Variants in SNAP47 observed in about 807,000 individuals in gnomAD.
SNAP47 encodes the protein synaptosome associated protein 47.
Under a neutral mutation model 31.4 loss-of-function variants are expected in SNAP47, and 20 were observed. That is an observed-to-expected ratio of 0.64 (90% confidence interval 0.45 to 0.93). The LOEUF is 0.93. Among genes scored for constraint, SNAP47 ranks in the 40% least tolerant of loss-of-function variants. The pLI is 0.00. For synonymous variants in SNAP47, 194 were observed against 213.4 expected (o/e 0.91, Z 0.79); for missense variants, 492 against 528.5 (o/e 0.93, Z 0.68).
intron 1 of SNAP47, chr1:227,747,242 AT>A (rs1662023966): frequency 6.3e-6 from 1 of 157,542 alleles, no homozygotes; most frequent in South Asian, 2.0e-4. Flanking sequence ...AGGGAACATT[AT>A]GGCCAAAAGA....
At chr1:227,767,862 C>T (rs1443385545) in intron 4 of SNAP47, among the ~76,000 whole-genome samples, 2 of 152,170 alleles carry the variant, frequency 1.3e-5, no homozygotes, top group African/African-American at 4.8e-5. Flanking sequence ...GCTCACTCAG[C>T]CCTCATGTGC....
At chr1:227,729,434 G>C (rs1322580731) in intron 1 of SNAP47, among the ~76,000 whole-genome samples, 1 of 152,162 alleles carries the variant, frequency 6.6e-6, no homozygotes, top group African/African-American at 2.4e-5. Context: ...GCAGTTCTGT[G>C]GGACGCTGGC....
At chr1:227,747,078 A>G (rs1254750246) in intron 1 of SNAP47, 1 of 152,366 alleles carries the variant, frequency 6.6e-6, no homozygotes, top group African/African-American at 2.4e-5. Context: ...CATACGCACA[A>G]TAAGTTAGTA....
chr1:227,740,193 G>T (rs539836399), intron 1 of SNAP47, among the ~76,000 whole-genome samples: 1 of 152,330 alleles, frequency 6.6e-6, no homozygotes, highest in East Asian at 1.9e-4. Flanking sequence ...CTGCGGAGTG[G>T]AGCCACCAAT....
intron 1 of SNAP47, among the ~76,000 whole-genome samples, chr1:227,728,941 G>A (rs1660472154): frequency 6.6e-6 from 1 of 152,174 alleles, no homozygotes; most frequent in Non-Finnish European, 1.5e-5. Context: ...CTTCACGCAG[G>A]GGAGGGGGGC....
intron 1 of SNAP47, chr1:227,744,209 T>C (rs1571994305): frequency 6.7e-6 from 1 of 149,594 alleles, no homozygotes; most frequent in Non-Finnish European, 1.5e-5. Flanking sequence ...TTTTGACCTG[T>C]GGGTTGTTGA....
Position 227,766,916 on chromosome 1 carries a change from A to G in SNAP47, c.989-43A>G, listed in dbSNP as rs755048766. On this transcript the variant is annotated intron_variant, in intron 3 of 4. Transcript: ENST00000617596. ...ATCCAGAGCACACGAGGGTTGTTGC[A>G]ACTCCGAGAGATGTCACTGCTGACC... 3.1e-6 allele frequency: 5 copies of G among 1,608,858 alleles called. No homozygotes were observed. In the Admixed American group the frequency reaches 5.0e-5, roughly 16 times the overall value.
At chr1:227,767,557 T>G (rs1028871713) in intron 4 of SNAP47, among the ~76,000 whole-genome samples, 1 of 151,390 alleles carries the variant, frequency 6.6e-6, no homozygotes, top group Non-Finnish European at 1.5e-5. Context: ...ATGTGTGTGT[T>G]GTGTGTGTTG....
At chr1:227,765,901 C>T (rs921868209) in intron 3 of SNAP47, among the ~76,000 whole-genome samples, 7 of 151,726 alleles carry the variant, frequency 4.6e-5, no homozygotes, top group Admixed American at 1.3e-4. Context: ...GATAGGCTGG[C>T]GGGGGTGGCA....
chr1:227,772,160 G>C (rs1663856515), intron 4 of SNAP47, among the ~76,000 whole-genome samples: 1 of 152,180 alleles, frequency 6.6e-6, no homozygotes, highest in Admixed American at 6.5e-5. Flanking sequence ...GGTAATACGT[G>C]TTATAGCAGT....
At chr1:227,748,293 G>T in intron 2 of SNAP47, 60 bp downstream of exon 2, 1 of 1,457,982 alleles carries the variant, frequency 6.9e-7, no homozygotes. Context: ...ATGTGTGGAG[G>T]CTCACAGGCA....
At chr1:227,732,339 C>G, upstream of SNAP47, 1 of 1,591,322 alleles carries the variant, frequency 6.3e-7, no homozygotes. Context: ...GGAAGGGCCC[C>G]GGAGCAGGAG....
At chr1:227,769,335 G>T (rs766631203) in intron 4 of SNAP47, among the ~76,000 whole-genome samples, 1 of 152,150 alleles carries the variant, frequency 6.6e-6, no homozygotes, top group Non-Finnish European at 1.5e-5. Flanking sequence ...TGCCTTGGGG[G>T]CAAGGGCAGC....
intron 3 of SNAP47, among the ~76,000 whole-genome samples, chr1:227,759,965 CTG>C (rs1317658234): frequency 5.9e-5 from 9 of 152,224 alleles, no homozygotes; most frequent in Non-Finnish European, 7.3e-5. Flanking sequence ...CCCTCTGATT[CTG>C]TCTCTTTGCC....
rs1661631677 is a variant in SNAP47, at chr1:227,741,916, T to C, written c.-45-5776T>C. 1.3e-5 allele frequency among the ~76,000 whole-genome samples: 2 copies of C among 152,182 alleles called. No individual in the cohort carries two copies. Among genetic ancestry groups the C allele is most frequent in the Admixed American group, 1.3e-4 (2 of 15,280 alleles). Reference sequence around the variant, plus strand: ...CTTCTTGCTTCTTCCTGGGCTGTTGTCAAACTTGAATACTTTCCTTATATT... The same window carrying C: ...CTTCTTGCTTCTTCCTGGGCTGTTGCCAAACTTGAATACTTTCCTTATATT... On this transcript the variant is annotated intron_variant, in intron 1 of 4. Coordinates refer to ENST00000617596, the MANE Select transcript of SNAP47 (RefSeq NM_053052.4). The surrounding 1 kb of genome is among the most constrained non-coding windows in gnomAD (Gnocchi z 4.2).
intron 4 of SNAP47, among the ~76,000 whole-genome samples, chr1:227,770,326 G>T (rs753409768): frequency 3.9e-5 from 6 of 152,208 alleles, no homozygotes; most frequent in Non-Finnish European, 8.8e-5. Flanking sequence ...CTCACTTGGG[G>T]CTCAGGTAGG....
At chr1:227,731,983 C>T, upstream of SNAP47, 2 of 241,962 alleles carry the variant, frequency 8.3e-6, no homozygotes, top group Non-Finnish European at 1.6e-5. Flanking sequence ...CCAACCCCTC[C>T]CTGAACCCAC....
At chr1:227,776,085 T>C (rs1483134952) in intron 4 of SNAP47, 17 of 1,183,202 alleles carry the variant, frequency 1.4e-5, no homozygotes, top group Admixed American at 1.1e-4. Context: ...TTGTGCCTCT[T>C]GCTGCCTGCC....
At chr1:227,732,432 TGCAGCAGCTCTTTGG>T (rs1434153192), upstream of SNAP47, 2 of 1,613,200 alleles carry the variant, frequency 1.2e-6, no homozygotes, top group Admixed American at 3.3e-5. Context: ...TCTCAGCTGC[TGCAGCAGCTCTTTGG>T]GCTGTGGTGA....
Sources: gnomAD v4.1 joint callset for allele counts (sites outside exome capture counted in the v4.1 genomes callset) on GRCh38, gnomAD v4.1.1 for gene constraint, Gnocchi (gnomAD v3.1) non-coding constraint, MANE v1.5 for transcripts, NCBI Gene and HGNC (gene_info 2026-07-23, HGNC 2026-07-21) for gene names.